The following DPP6 variants were observed in gnomAD, a reference collection of about 807,000 sequenced individuals.
The protein encoded by DPP6 is dipeptidyl peptidase like 6.
A neutral mutation model predicts 122.6 loss-of-function variants in DPP6; 69 were observed. That is an observed-to-expected ratio of 0.56 (90% CI 0.46 to 0.69). DPP6 has a LOEUF of 0.69. Among genes scored for constraint, DPP6 ranks in the 30% least tolerant of loss-of-function variants. The probability of loss-of-function intolerance (pLI) is 0.00; values close to 1 mark genes in which losing one functional copy is unlikely to be tolerated. For synonymous variants in DPP6, 418 were observed against 433.1 expected (o/e 0.97, Z 0.43); for missense variants, 928 against 1,116.9 (o/e 0.83, Z 2.41).
chr7:154,889,369 C>T, intron 24 of DPP6, 25 bp downstream of exon 24: 1 of 1,611,478 alleles, frequency 6.2e-7, no homozygotes, highest in Non-Finnish European at 8.5e-7. Context: ...CATGAATTCA[C>T]TGTGTATCTA....
At position 154,624,177 on chromosome 7, in the gene DPP6, A is replaced by T. The variant is rs1346281034; in HGVS notation, c.628-13644A>T. On this transcript the variant is annotated intron_variant, in intron 5 of 25. Coordinates refer to ENST00000377770, the MANE Select transcript of DPP6 (RefSeq NM_130797.4). This position sits in a 1 kb window ranked among gnomAD's most constrained non-coding sequence, Gnocchi z 4.7. ...ACCCTGTCTCTACTAAAAATACAAAAATCAGCCAGACGTGGTGGCGGGTGC... is the reference window on the plus strand; with the variant it reads ...ACCCTGTCTCTACTAAAAATACAAATATCAGCCAGACGTGGTGGCGGGTGC... 6.6e-6 allele frequency among the ~76,000 whole-genome samples: 1 copy of T among 152,128 alleles called. No homozygotes were observed. The highest frequency in any genetic ancestry group is 1.9e-4 in the East Asian group (1 of 5,184).
chr7:154,701,610 TATC>T (rs1840533584), intron 7 of DPP6, among the ~76,000 whole-genome samples: 1 of 152,194 alleles, frequency 6.6e-6, no homozygotes, highest in South Asian at 2.1e-4. Flanking sequence ...CTGACTGCCA[TATC>T]ATTGCTTCAC....
chr7:154,042,003 C>G (rs1380458526), intron 1 of DPP6, among the ~76,000 whole-genome samples: 1 of 152,132 alleles, frequency 6.6e-6, no homozygotes, highest in Non-Finnish European at 1.5e-5. Flanking sequence ...GTGATCCGCC[C>G]ACCTCGGCCT....
chr7:154,426,604 A>G (rs934903841), intron 1 of DPP6, among the ~76,000 whole-genome samples: 6 of 152,082 alleles, frequency 3.9e-5, no homozygotes, highest in African/African-American at 1.4e-4. Flanking sequence ...GGTTTCTTTA[A>G]TGTCTGGTTC....
chr7:154,371,156 T>C (rs1251249427), intron 1 of DPP6, among the ~76,000 whole-genome samples: 3 of 152,028 alleles, frequency 2.0e-5, no homozygotes, highest in African/African-American at 7.2e-5. Flanking sequence ...GGTGGGCGGA[T>C]CGCTTGAGGT....
intron 7 of DPP6, among the ~76,000 whole-genome samples, chr7:154,702,107 G>A (rs71534163): frequency 6.6e-6 from 1 of 152,162 alleles, no homozygotes; most frequent in Non-Finnish European, 1.5e-5. Flanking sequence ...AGTGATCTTT[G>A]ATGTTACTGA....
chr7:154,142,473 T>A (rs1349305752), intron 1 of DPP6, among the ~76,000 whole-genome samples: 2 of 152,198 alleles, frequency 1.3e-5, no homozygotes, highest in Non-Finnish European at 2.9e-5. Flanking sequence ...AATAAACAAC[T>A]TTTTTGTTAG....
At chr7:154,459,566 C>T (rs983884960) in intron 2 of DPP6, among the ~76,000 whole-genome samples, 1 of 151,852 alleles carries the variant, frequency 6.6e-6, no homozygotes, top group African/African-American at 2.4e-5. Context: ...CATGGTGGCT[C>T]ATCCTGTAAT....
intron 1 of DPP6, among the ~76,000 whole-genome samples, chr7:154,235,379 C>T (rs1801145963): frequency 6.6e-6 from 1 of 152,206 alleles, no homozygotes. Flanking sequence ...CAAATAACGA[C>T]ACAGTGTTTT....
intron 17 of DPP6, among the ~76,000 whole-genome samples, chr7:154,866,240 CTG>C (rs1441755007): frequency 6.6e-6 from 1 of 150,558 alleles, no homozygotes; most frequent in African/African-American, 2.5e-5. Flanking sequence ...TTTCCTGTAA[CTG>C]TGAATAGAAC....
At chr7:154,569,412 A>G (rs1201609636) in intron 5 of DPP6, among the ~76,000 whole-genome samples, 2 of 152,038 alleles carry the variant, frequency 1.3e-5, no homozygotes, top group Non-Finnish European at 2.9e-5. Context: ...AGTTAAACAG[A>G]TAAGTTTCTT....
chr7:154,284,732 G>C (rs1804742256), intron 1 of DPP6, among the ~76,000 whole-genome samples: 1 of 152,216 alleles, frequency 6.6e-6, no homozygotes, highest in Non-Finnish European at 1.5e-5. Context: ...GTGTGCACCT[G>C]TAACCCCAGC....
rs184488964 is a variant in DPP6 at position 154,194,043 on chromosome 7, C to T, written c.243+140980C>T. On this transcript the variant is annotated intron_variant, in intron 1 of 25. Coordinates refer to ENST00000377770, the MANE Select transcript of DPP6 (RefSeq NM_130797.4). Reference sequence around the variant, plus strand: ...ATGAAGTCTAGGAAAATGGGTGACTCGTCAGAGAAGCTGTTAAACTTCAGA... The same window carrying T: ...ATGAAGTCTAGGAAAATGGGTGACTTGTCAGAGAAGCTGTTAAACTTCAGA... 4.7e-3 allele frequency among the ~76,000 whole-genome samples: 718 copies of T among 152,250 alleles called. 6 individuals carry two copies. The highest frequency in any genetic ancestry group is 6.1e-3 in the Non-Finnish European group (413 of 68,024).
chr7:154,007,991 G>T (rs1278418870), intron 1 of DPP6, among the ~76,000 whole-genome samples: 2 of 152,204 alleles, frequency 1.3e-5, no homozygotes, highest in Non-Finnish European at 2.9e-5. Context: ...AGTGTGGGCA[G>T]TGTCCTCCCG....
At chr7:154,233,296 A>C (rs1404490808) in intron 1 of DPP6, among the ~76,000 whole-genome samples, 1 of 152,228 alleles carries the variant, frequency 6.6e-6, no homozygotes, top group Non-Finnish European at 1.5e-5. Context: ...TTGCTCATTC[A>C]ATAATAATCT....
intron 1 of DPP6, chr7:154,058,912 C>T (rs375112716): frequency 0.02 from 2,955 of 148,310 alleles, 73 homozygotes; most frequent in East Asian, 0.05. Context: ...GCTATCCCCT[C>T]TTCCGCCCCT....
At chr7:154,589,915 G>A (rs1832702333) in intron 5 of DPP6, among the ~76,000 whole-genome samples, 1 of 152,226 alleles carries the variant, frequency 6.6e-6, no homozygotes, top group African/African-American at 2.4e-5. Flanking sequence ...AATCGATTGA[G>A]TAAATTAGTG....
intron 1 of DPP6, among the ~76,000 whole-genome samples, chr7:154,005,086 A>T (rs1797856955): frequency 6.6e-6 from 1 of 152,250 alleles, no homozygotes; most frequent in South Asian, 2.1e-4. Context: ...TACAAAAAGT[A>T]ATGGTAAGCA....
chr7:153,845,814 C>A, the DPP6 span, among the ~76,000 whole-genome samples: 2 of 152,112 alleles, frequency 1.3e-5, no homozygotes. Flanking sequence ...TTCAAATTAA[C>A]CATGACTTTA....
Sources: allele counts gnomAD v4.1 joint callset (sites outside exome capture counted in the v4.1 genomes callset), GRCh38; gene constraint gnomAD v4.1.1; non-coding constraint Gnocchi (gnomAD v3.1); transcripts MANE v1.5; gene names NCBI Gene and HGNC (gene_info 2026-07-23, HGNC 2026-07-21).